Variants in UVRAG observed in about 807,000 individuals in gnomAD.
UVRAG encodes the protein UV radiation resistance-associated gene protein.
UVRAG carries 19 observed loss-of-function variants against 78.0 expected under a neutral mutation model. The observed-to-expected ratio is 0.24, with a 90% CI of 0.17 to 0.36. The LOEUF is 0.36. Ranked by LOEUF, UVRAG falls within the 10% of genes least tolerant of loss-of-function variation. The pLI is 1.00. For synonymous variants in UVRAG, 323 were observed against 324.6 expected (o/e 1.00, Z 0.05); for missense variants, 740 against 853.8 (o/e 0.87, Z 1.66).
intron 6 of UVRAG, chr11:75,914,137 A>G (rs767079739): frequency 1.3e-5 from 2 of 152,212 alleles, no homozygotes; most frequent in African/African-American, 2.4e-5. Context: ...GATGAGTCAG[A>G]TGGGACTTTG....
chr11:75,829,870 C>T (rs1371123522), intron 1 of UVRAG, among the ~76,000 whole-genome samples: 1 of 152,212 alleles, frequency 6.6e-6, no homozygotes, highest in Non-Finnish European at 1.5e-5. Flanking sequence ...GACGAAGTCT[C>T]ACTCTGTTGC....
rs187056341 is a variant in UVRAG at position 75,922,825 on chromosome 11, G to A, written c.593+10786G>A. The stretch of plus-strand genomic sequence containing the variant: ...TAGCTGGGCGTGGTGGCACGCACCT[G>A]TAATTCCTGAGGCAGGAGAATCACT... On this transcript the variant is annotated intron_variant, in intron 6 of 14. Transcript: ENST00000356136. 1.9e-3 allele frequency among the ~76,000 whole-genome samples: 290 copies of A among 151,636 alleles called. 1 individual carries two copies. The highest frequency in any genetic ancestry group is 6.5e-3 in the African/African-American group (271 of 41,382).
chr11:75,910,091 G>A (rs1374156306), intron 5 of UVRAG, among the ~76,000 whole-genome samples: 1 of 152,106 alleles, frequency 6.6e-6, no homozygotes, highest in Non-Finnish European at 1.5e-5. Context: ...CTATTTAGAT[G>A]TTTCATAGTA....
intron 12 of UVRAG, among the ~76,000 whole-genome samples, chr11:76,042,246 CACAG>C (rs1196008497): frequency 6.6e-6 from 1 of 151,812 alleles, no homozygotes; most frequent in East Asian, 1.9e-4. Flanking sequence ...TAGATACACA[CACAG>C]ACAAAAATAG....
chr11:75,820,357 C>CTTT (rs113444522), intron 1 of UVRAG, among the ~76,000 whole-genome samples: 5 of 143,542 alleles, frequency 3.5e-5, no homozygotes, highest in South Asian at 2.2e-4. Context: ...TTCACTTATT[C>CTTT]TTTTTTTTTT....
intron 8 of UVRAG, among the ~76,000 whole-genome samples, chr11:76,003,410 G>A (rs1369832148): frequency 6.6e-6 from 1 of 151,266 alleles, no homozygotes; most frequent in African/African-American, 2.4e-5. Flanking sequence ...TAGTAGAGAC[G>A]GGGTTTCACC....
chr11:76,083,941 C>G (rs1951541926), intron 13 of UVRAG, among the ~76,000 whole-genome samples: 1 of 152,190 alleles, frequency 6.6e-6, no homozygotes, highest in Non-Finnish European at 1.5e-5. Context: ...TGTGGCCCAG[C>G]TATCAAAATA....
intron 13 of UVRAG, among the ~76,000 whole-genome samples, chr11:76,088,759 A>T (rs904785888): frequency 6.6e-6 from 1 of 152,138 alleles, no homozygotes; most frequent in African/African-American, 2.4e-5. Context: ...AACCAGGCCA[A>T]CTTCTCTTCT....
At chr11:75,974,353 T>TC (rs1376152457) in intron 7 of UVRAG, among the ~76,000 whole-genome samples, 1 of 102,890 alleles carries the variant, frequency 9.7e-6, no homozygotes, top group Non-Finnish European at 1.9e-5. Flanking sequence ...AATGTCTTCT[T>TC]TTTTTTTTTT....
chr11:76,008,828 G>T lies in UVRAG; in HGVS notation c.1021G>T (p.Val341Leu). 1 of 1,493,048 alleles carries T rather than the reference G, an allele frequency of 6.7e-7. No homozygotes were observed. Among genetic ancestry groups the T allele is most frequent in the Non-Finnish European group, 9.0e-7 (1 of 1,107,446 alleles). 92.5% of individuals were successfully genotyped at this position (1,493,048 alleles called of 1,614,324 possible). The change falls in exon 11 of 15, where the codon GTA becomes TTA. Residue 341 changes from valine to leucine, a missense_variant. Val to Leu is a conservative substitution (Grantham distance 32). Transcript: ENST00000356136. ...IDLNEHKDYF[V>L]CGVKLPNSED... ...ACAGAATGAACATAAGGATTACTTT[G>T]TATGCGGTGTCAAGTTGCCTAATTC...
intron 12 of UVRAG, among the ~76,000 whole-genome samples, chr11:76,035,908 C>G (rs932274807): frequency 1.3e-5 from 2 of 152,048 alleles, no homozygotes; most frequent in Admixed American, 1.3e-4. Flanking sequence ...CCTGGCATGC[C>G]CTTGTCTCAT....
intron 1 of UVRAG, 79 bp downstream of exon 1, chr11:75,815,603 C>G: frequency 1.0e-6 from 1 of 959,264 alleles, no homozygotes; most frequent in Non-Finnish European, 1.4e-6. Context: ...CGGGCTGACC[C>G]CGCGAGCCGG....
chr11:76,049,268 A>C (rs999797004), intron 12 of UVRAG, among the ~76,000 whole-genome samples: 4 of 152,222 alleles, frequency 2.6e-5, no homozygotes, highest in Non-Finnish European at 5.9e-5. Context: ...AACTTTCCAA[A>C]TATTCTACCC....
chr11:75,823,405 C>T (rs568441400), intron 1 of UVRAG, among the ~76,000 whole-genome samples: 2 of 152,324 alleles, frequency 1.3e-5, no homozygotes, highest in South Asian at 4.1e-4. Flanking sequence ...TAAATCATGG[C>T]TCATTTCAGC....
intron 6 of UVRAG, among the ~76,000 whole-genome samples, chr11:75,940,766 T>A (rs774123726): frequency 7.9e-5 from 12 of 152,178 alleles, no homozygotes; most frequent in Non-Finnish European, 1.5e-4. Context: ...ATGATTTTTA[T>A]CCCCATTTTG....
intron 1 of UVRAG, among the ~76,000 whole-genome samples, chr11:75,831,764 A>G (rs896364396): frequency 9.2e-5 from 14 of 152,194 alleles, no homozygotes; most frequent in Admixed American, 6.5e-5. Flanking sequence ...TGATGGGGTT[A>G]TGTCCTGATG....
At chr11:75,828,799 A>T (rs1236854158) in intron 1 of UVRAG, among the ~76,000 whole-genome samples, 181 of 80,036 alleles carry the variant, frequency 2.3e-3, no homozygotes, top group Non-Finnish European at 2.9e-3. Flanking sequence ...ATATATATAT[A>T]TATATATTTT....
At chr11:75,886,970 T>G (rs116443990) in intron 4 of UVRAG, among the ~76,000 whole-genome samples, 10,196 of 150,452 alleles carry the variant, frequency 0.068, 492 homozygotes, top group African/African-American at 0.14. Context: ...TCCTTAATTT[T>G]GTTTTTTTTT....
At chr11:75,873,421 A>G (rs1317026311) in intron 3 of UVRAG, among the ~76,000 whole-genome samples, 1 of 152,154 alleles carries the variant, frequency 6.6e-6, no homozygotes, top group East Asian at 1.9e-4. Context: ...AACAATAGCA[A>G]AAAAAGCCCC....
Sources: allele counts gnomAD v4.1 joint callset (sites outside exome capture counted in the v4.1 genomes callset), GRCh38; gene constraint gnomAD v4.1.1; transcripts MANE v1.5; gene names NCBI Gene and HGNC (gene_info 2026-07-23, HGNC 2026-07-21).